RPS6KA2: variants seen among roughly 807,000 people sequenced by gnomAD.
The protein encoded by RPS6KA2 is ribosomal protein S6 kinase A2, also known as ribosomal protein S6 kinase alpha-2.
RPS6KA2 carries 42 observed loss-of-function variants against 91.8 expected under a neutral mutation model. That is an observed-to-expected ratio of 0.46 (90% CI 0.36 to 0.59). The LOEUF is 0.59. Ranked by LOEUF, RPS6KA2 falls within the 20% of genes least tolerant of loss-of-function variation. The pLI is 0.00. For synonymous variants in RPS6KA2, 414 were observed against 393.6 expected (o/e 1.05, Z -0.61); for missense variants, 798 against 978.5 (o/e 0.82, Z 2.46).
At chr6:166,617,502 GA>G in intron 1 of RPS6KA2, among the ~76,000 whole-genome samples, 1 of 152,264 alleles carries the variant, frequency 6.6e-6, no homozygotes, top group East Asian at 1.9e-4. Context: ...TAGTTAGTAA[GA>G]AACCCAATGC....
chr6:166,705,224 A>C (rs942542570), intron 2 of RPS6KA2, among the ~76,000 whole-genome samples: 1 of 152,244 alleles, frequency 6.6e-6, no homozygotes, highest in Non-Finnish European at 1.5e-5. Flanking sequence ...TGTGCAAGCC[A>C]AGAGCAAGGC....
chr6:166,472,805 G>A (rs1780820327), intron 10 of RPS6KA2, among the ~76,000 whole-genome samples: 1 of 152,148 alleles, frequency 6.6e-6, no homozygotes, highest in African/African-American at 2.4e-5. Context: ...GACACGCACT[G>A]AAGGCCTTCC....
chr6:166,681,702 G>GC (rs1453376878), intron 2 of RPS6KA2, among the ~76,000 whole-genome samples: 1,773 of 14,218 alleles, frequency 0.12, 56 homozygotes, highest in Non-Finnish European at 0.19. Flanking sequence ...CCCCCCCCCC[G>GC]CCCCCGCCCA....
At chr6:166,536,595 G>A (rs1341576466) in intron 2 of RPS6KA2, among the ~76,000 whole-genome samples, 1 of 152,134 alleles carries the variant, frequency 6.6e-6, no homozygotes, top group Non-Finnish European at 1.5e-5. Context: ...TCTTTCCAGA[G>A]TCCAGCTCGC....
At chr6:166,690,204 G>T (rs1789163656) in intron 2 of RPS6KA2, among the ~76,000 whole-genome samples, 1 of 152,162 alleles carries the variant, frequency 6.6e-6, no homozygotes. Context: ...GGGGTGACGG[G>T]GTCTTTTCTC....
At chr6:166,482,066 T>C (rs550229790) in intron 10 of RPS6KA2, among the ~76,000 whole-genome samples, 1 of 150,434 alleles carries the variant, frequency 6.6e-6, no homozygotes, top group East Asian at 2.0e-4. Context: ...TGGTAGACTG[T>C]ACATATACCT....
At chr6:166,720,460 A>G (rs945167274) in intron 2 of RPS6KA2, among the ~76,000 whole-genome samples, 1 of 152,212 alleles carries the variant, frequency 6.6e-6, no homozygotes, top group African/African-American at 2.4e-5. Flanking sequence ...AAAGGAACCC[A>G]GGAACCCAGA....
Position 166,732,161 on chromosome 6 carries a change from A to G in RPS6KA2, c.123+126039T>C, listed in dbSNP as rs539147493. 2.2e-4 allele frequency among the ~76,000 whole-genome samples: 33 copies of G among 152,282 alleles called. No individual in the cohort carries two copies. The highest frequency in any genetic ancestry group is 7.9e-4 in the African/African-American group (33 of 41,542). On this transcript the variant is annotated intron_variant, in intron 2 of 21. Coordinates refer to the RPS6KA2 transcript ENST00000503859. This position sits in a 1 kb window ranked among gnomAD's most constrained non-coding sequence, Gnocchi z 4.0. Reference sequence around the variant, plus strand: ...AAATAAATAAATAACCAAGAAAAATACTTTAATACAATGTGCCAAAAACAG... The same window carrying G: ...AAATAAATAAATAACCAAGAAAAATGCTTTAATACAATGTGCCAAAAACAG...
chr6:166,534,467 G>A (rs3799646), intron 2 of RPS6KA2, among the ~76,000 whole-genome samples: 2 of 152,094 alleles, frequency 1.3e-5, no homozygotes, highest in East Asian at 3.9e-4. Context: ...GAGTGGGTCC[G>A]TACTTTCAAT....
intron 19 of RPS6KA2, among the ~76,000 whole-genome samples, chr6:166,416,256 AT>A (rs1411742150): frequency 6.7e-6 from 1 of 148,534 alleles, no homozygotes; most frequent in Non-Finnish European, 1.5e-5. Flanking sequence ...CACCCTCACC[AT>A]TTTTTCTCTG....
intron 14 of RPS6KA2, among the ~76,000 whole-genome samples, chr6:166,447,723 G>A (rs900488228): frequency 4.6e-5 from 7 of 152,140 alleles, no homozygotes; most frequent in Non-Finnish European, 7.4e-5. Flanking sequence ...AATCACAGTT[G>A]ATGAAAATTA....
At chr6:166,806,624 A>C (rs1779499621) in intron 2 of RPS6KA2, among the ~76,000 whole-genome samples, 1 of 152,222 alleles carries the variant, frequency 6.6e-6, no homozygotes, top group African/African-American at 2.4e-5. Context: ...CCTTCAAGAA[A>C]TGTTAAAGGG....
intron 1 of RPS6KA2, among the ~76,000 whole-genome samples, chr6:166,593,098 G>A (rs1785409473): frequency 6.6e-6 from 1 of 152,196 alleles, no homozygotes; most frequent in Admixed American, 6.5e-5. Flanking sequence ...GCAGAAAGAA[G>A]CTTTCCGATG....
intron 2 of RPS6KA2, among the ~76,000 whole-genome samples, chr6:166,802,821 T>A (rs779810927): frequency 1.3e-5 from 2 of 152,128 alleles, no homozygotes; most frequent in Non-Finnish European, 2.9e-5. Flanking sequence ...GCCATCTTAC[T>A]AATAAAGACA....
chr6:166,429,431 TATA>T (rs914085403), intron 16 of RPS6KA2, among the ~76,000 whole-genome samples: 1 of 151,832 alleles, frequency 6.6e-6, no homozygotes, highest in African/African-American at 2.4e-5. Context: ...AAACTTAAAG[TATA>T]ATAATAATAA....
At chr6:166,830,351 G>A (rs1456587219) in intron 2 of RPS6KA2, among the ~76,000 whole-genome samples, 2 of 152,096 alleles carry the variant, frequency 1.3e-5, no homozygotes, top group African/African-American at 2.4e-5. Context: ...AGTGGCTGAG[G>A]GAAGTGGAGA....
chr6:166,422,983 A>G (rs1489646651), intron 17 of RPS6KA2, among the ~76,000 whole-genome samples: 1 of 152,258 alleles, frequency 6.6e-6, no homozygotes, highest in Admixed American at 6.5e-5. Context: ...GATTTCATCC[A>G]AATTGTCTAC....
Position 166,413,958 on chromosome 6 carries a change from G to A in RPS6KA2, c.1939-27C>T, listed in dbSNP as rs939335389. ...TGCCAGGGAAGGTCATGAGAGTCGGGGGGATGGTTGGATCATTTGTGCTGG... is the reference window on the plus strand; with the variant it reads ...TGCCAGGGAAGGTCATGAGAGTCGGAGGGATGGTTGGATCATTTGTGCTGG... On this transcript the variant is annotated intron_variant, in intron 19 of 20. Transcript: ENST00000265678. The A allele has an allele frequency of 8.7e-6, 14 of 1,608,494 alleles. No individual in the cohort carries two copies. In the Admixed American group the frequency reaches 1.3e-4, roughly 15 times the overall value.
At chr6:166,691,879 C>T (rs915782729) in intron 2 of RPS6KA2, among the ~76,000 whole-genome samples, 12 of 152,116 alleles carry the variant, frequency 7.9e-5, no homozygotes, top group African/African-American at 1.7e-4. Flanking sequence ...GAAATGCCAG[C>T]AAAAGAAAAC....
Sources: allele counts gnomAD v4.1 joint callset (sites outside exome capture counted in the v4.1 genomes callset), GRCh38; gene constraint gnomAD v4.1.1; non-coding constraint Gnocchi (gnomAD v3.1); transcripts MANE v1.5; gene names NCBI Gene and HGNC (gene_info 2026-07-23, HGNC 2026-07-21).